The following KCNJ6 variants were observed in gnomAD, a reference collection of about 807,000 sequenced individuals.
The protein encoded by KCNJ6 is potassium inwardly rectifying channel subfamily J member 6.
KCNJ6 carries 9 observed loss-of-function variants against 34.2 expected under a neutral mutation model. The observed-to-expected ratio is 0.26, with a 90% confidence interval of 0.16 to 0.46. KCNJ6 has a LOEUF of 0.46. Ranked by LOEUF, KCNJ6 falls within the 20% of genes least tolerant of loss-of-function variation. The pLI is 1.00. For missense variants in KCNJ6, 236 were observed against 531.3 expected (o/e 0.44, Z 5.46); for synonymous variants, 196 against 207.1 (o/e 0.95, Z 0.46).
chr21:37,729,624 CCT>C (rs1416474741), intron 2 of KCNJ6, among the ~76,000 whole-genome samples: 6 of 152,200 alleles, frequency 3.9e-5, no homozygotes, highest in Non-Finnish European at 7.3e-5. Context: ...ATGCCCAGCC[CCT>C]GATTCTTCTT....
chr21:37,675,384 C>A lies in KCNJ6; in HGVS notation c.946+38827G>T, dbSNP rs544339428. Among the ~76,000 whole-genome samples, 1 of 152,336 alleles carries A rather than the reference C, an allele frequency of 6.6e-6. No individual in the cohort carries two copies. The highest frequency in any genetic ancestry group is 2.4e-5 in the African/African-American group (1 of 41,586). On this transcript the variant is annotated intron_variant, in intron 3 of 3. Transcript: ENST00000609713. The surrounding 1 kb of genome is among the most constrained non-coding windows in gnomAD (Gnocchi z 4.2). ...AAGAAACTGCGCCGGGCTGGGCAGCCGACGCACCGCTAGGTGGCGCACGCG... is the reference window on the plus strand; with the variant it reads ...AAGAAACTGCGCCGGGCTGGGCAGCAGACGCACCGCTAGGTGGCGCACGCG...
rs190774627 is a variant in KCNJ6, at chr21:37,831,379, C to T, written c.25+9279G>A. ...CACTAATGTGATGAAGAAGCATAAA[C>T]GAAGTTTCTGCTGCTGCTCCCAGCC... On this transcript the variant is annotated intron_variant, in intron 2 of 3. Transcript: ENST00000609713. Among the ~76,000 whole-genome samples, 134 of 152,254 alleles carry T rather than the reference C, an allele frequency of 8.8e-4. 1 individual carries two copies. The highest frequency in any genetic ancestry group is 9.2e-4 in the Admixed American group (14 of 15,296).
At chr21:37,712,836 G>C (rs1279251228) in intron 3 of KCNJ6, among the ~76,000 whole-genome samples, 2 of 144,932 alleles carry the variant, frequency 1.4e-5, no homozygotes, top group African/African-American at 5.2e-5. Context: ...CCACACAAAT[G>C]CACCCCCAAA....
At chr21:37,899,766 C>T (rs940578386) in intron 1 of KCNJ6, among the ~76,000 whole-genome samples, 3 of 152,184 alleles carry the variant, frequency 2.0e-5, no homozygotes, top group African/African-American at 4.8e-5. Context: ...TCCCTACCTA[C>T]AAAATGGGAA....
chr21:37,672,046 C>T (rs182740039), intron 3 of KCNJ6, among the ~76,000 whole-genome samples: 2,208 of 151,916 alleles, frequency 0.015, 24 homozygotes, highest in Non-Finnish European at 0.023. Flanking sequence ...CTTTCTGTTT[C>T]TTTTTTTTAC....
At chr21:37,801,506 C>G (rs368892391) in intron 2 of KCNJ6, among the ~76,000 whole-genome samples, 2 of 152,342 alleles carry the variant, frequency 1.3e-5, no homozygotes, top group East Asian at 3.9e-4. Flanking sequence ...TCCACTTCAC[C>G]CTCACGGGCA....
At chr21:37,802,930 C>A (rs565037770) in intron 2 of KCNJ6, among the ~76,000 whole-genome samples, 1 of 152,298 alleles carries the variant, frequency 6.6e-6, no homozygotes, top group African/African-American at 2.4e-5. Context: ...CTCGACTCTC[C>A]TGCCACTAGG....
At chr21:37,760,755 A>C (rs550591200) in intron 2 of KCNJ6, among the ~76,000 whole-genome samples, 2 of 152,204 alleles carry the variant, frequency 1.3e-5, no homozygotes, top group Admixed American at 6.5e-5. Context: ...GTCTCCTGGC[A>C]CCTCACCTAG....
intron 1 of KCNJ6, among the ~76,000 whole-genome samples, chr21:37,842,885 C>T: frequency 6.6e-6 from 1 of 152,210 alleles, no homozygotes; most frequent in East Asian, 1.9e-4. Context: ...CTGTCAGTGA[C>T]TCTCAGCTTC....
rs138652479 is a variant in KCNJ6 at position 37,722,486 on chromosome 21, G to A, written c.26-7355C>T. On this transcript the variant is annotated intron_variant, in intron 2 of 3. Coordinates refer to ENST00000609713, the MANE Select transcript of KCNJ6 (RefSeq NM_002240.5). ...AAAAACCTGAATAGCTAAAGCAATC[G>A]TAGGCAAAAAGTACAAAGCCAGAAG... Among the ~76,000 whole-genome samples the A allele has an allele frequency of 4.4e-3, 675 of 152,238 alleles. 2 individuals are homozygous for A. Among genetic ancestry groups the A allele is most frequent in the Admixed American group, 7.7e-3 (117 of 15,276 alleles).
chr21:37,783,125 A>G (rs373642602), intron 2 of KCNJ6, among the ~76,000 whole-genome samples: 3 of 152,208 alleles, frequency 2.0e-5, no homozygotes, highest in African/African-American at 7.2e-5. Flanking sequence ...AGTCAATGCC[A>G]TGACCAGGCC....
In KCNJ6 at chr21:37,614,460, GTC is replaced by G. The variant is rs1039997056; in HGVS notation, c.*10697_*10698del. On this transcript the variant is annotated 3_prime_UTR_variant, in exon 4 of 4. Coordinates refer to ENST00000609713, the MANE Select transcript of KCNJ6 (RefSeq NM_002240.5). ...TCTCTGTGTGTATGCATGTGTCTGTGTCTGCGTGTGTGTGTATGCATGTGTCT... is the reference window on the plus strand; with the variant it reads ...TCTCTGTGTGTATGCATGTGTCTGTGTGCGTGTGTGTGTATGCATGTGTCT... The G allele has an allele frequency of 4.0e-5, 6 of 151,276 alleles. No individual in the cohort carries two copies. The highest frequency in any genetic ancestry group is 1.5e-4 in the African/African-American group (6 of 40,932). 9.4% of individuals were successfully genotyped at this position (151,276 alleles called of 1,614,324 possible).
intron 1 of KCNJ6, among the ~76,000 whole-genome samples, chr21:37,891,336 GAC>G (rs1380059258): frequency 1.3e-5 from 2 of 152,008 alleles, no homozygotes; most frequent in Non-Finnish European, 2.9e-5. Flanking sequence ...TACGAACACA[GAC>G]ACGCATAGAC....
intron 1 of KCNJ6, among the ~76,000 whole-genome samples, chr21:37,897,536 G>A (rs550923264): frequency 6.6e-6 from 1 of 152,288 alleles, no homozygotes; most frequent in African/African-American, 2.4e-5. Context: ...GGCCACCTAT[G>A]GTCCTGATCC....
intron 2 of KCNJ6, among the ~76,000 whole-genome samples, chr21:37,808,738 A>T (rs1305115688): frequency 6.6e-6 from 1 of 152,194 alleles, no homozygotes; most frequent in African/African-American, 2.4e-5. Context: ...CCTGGGACAA[A>T]AGAGTCACAT....
At chr21:37,855,839 ATATC>A (rs1228966231) in intron 1 of KCNJ6, among the ~76,000 whole-genome samples, 1 of 152,222 alleles carries the variant, frequency 6.6e-6, no homozygotes, top group Non-Finnish European at 1.5e-5. Context: ...ATTTTTTAAA[ATATC>A]TATCTGTGAG....
At position 37,874,102 on chromosome 21, in the gene KCNJ6, C is replaced by T. The variant is rs573643433; in HGVS notation, c.-27-33393G>A. Reference sequence around the variant, plus strand: ...CTTAAACTCATCCTAATCAGGGGTTCACCCTCTCCCTTCCCTGCTCCCTGG... The same window carrying T: ...CTTAAACTCATCCTAATCAGGGGTTTACCCTCTCCCTTCCCTGCTCCCTGG... On this transcript the variant is annotated intron_variant, in intron 1 of 3. Transcript: ENST00000609713. Among the ~76,000 whole-genome samples the T allele has an allele frequency of 2.0e-5, 3 of 152,294 alleles. No individual in the cohort carries two copies. In the South Asian group the frequency reaches 6.2e-4, roughly 32 times the overall value.
chr21:37,722,624 A>G (rs575838142), intron 2 of KCNJ6, among the ~76,000 whole-genome samples: 6 of 152,226 alleles, frequency 3.9e-5, no homozygotes, highest in African/African-American at 1.2e-4. Flanking sequence ...GAACTCAGCA[A>G]TAAAGCCACA....
rs1291800711 is a variant in KCNJ6, at chr21:37,715,029, T to C, written c.128A>G (p.His43Arg). Residue 43 changes from histidine to arginine, a missense_variant, in exon 3 of 4, where the codon CAC becomes CGC. Physicochemically the swap from His to Arg is conservative, Grantham distance 29. Coordinates refer to ENST00000609713, the MANE Select transcript of KCNJ6 (RefSeq NM_002240.5). ...CCTTTTGGTCCGATCTCGGCTGATG[T>C]GTCTTGGCAGGTCATCCCTGGCCTG... ...PKQARDDLPR[H>R]ISRDRTKRKI... 2 of 1,614,226 alleles carry C rather than the reference T, an allele frequency of 1.2e-6. No homozygotes were observed. The highest frequency in any genetic ancestry group is 1.7e-6 in the Non-Finnish European group (2 of 1,180,046).
Sources: gnomAD v4.1 joint callset for allele counts (sites outside exome capture counted in the v4.1 genomes callset) on GRCh38, gnomAD v4.1.1 for gene constraint, Gnocchi (gnomAD v3.1) non-coding constraint, MANE v1.5 for transcripts, NCBI Gene and HGNC (gene_info 2026-07-23, HGNC 2026-07-21) for gene names.